CTNNA3: variants seen among roughly 807,000 people sequenced by gnomAD.
The protein encoded by CTNNA3 is catenin alpha 3, also known as catenin alpha-3.
CTNNA3 carries 76 observed loss-of-function variants against 95.7 expected under a neutral mutation model. The ratio of observed to expected loss-of-function variants is 0.79; its 90% CI spans 0.66 to 0.96. The LOEUF is 0.96. CTNNA3 is among the 40% of genes least tolerant of loss of function. The pLI is 0.00. For missense variants in CTNNA3, 1,191 were observed against 1,089.8 expected (o/e 1.09, Z -1.31); for synonymous variants, 431 against 374.4 (o/e 1.15, Z -1.74).
chr10:66,087,789 A>C (rs566408818), intron 14 of CTNNA3, among the ~76,000 whole-genome samples: 1 of 152,192 alleles, frequency 6.6e-6, no homozygotes, highest in East Asian at 1.9e-4. Flanking sequence ...CATCAATCCC[A>C]CTGGCATATT....
intron 11 of CTNNA3, among the ~76,000 whole-genome samples, chr10:66,448,356 T>C (rs1486882117): frequency 6.6e-6 from 1 of 152,182 alleles, no homozygotes; most frequent in African/African-American, 2.4e-5. Context: ...TAAATCATGC[T>C]GCTATAAAGA....
intron 11 of CTNNA3, among the ~76,000 whole-genome samples, chr10:66,411,918 G>A (rs977024125): frequency 6.6e-6 from 1 of 152,102 alleles, no homozygotes; most frequent in African/African-American, 2.4e-5. Flanking sequence ...ATGACATTCC[G>A]AGGAGCTCTG....
chr10:67,604,522 C>A (rs1843198709), intron 3 of CTNNA3, among the ~76,000 whole-genome samples: 1 of 152,054 alleles, frequency 6.6e-6, no homozygotes, highest in Non-Finnish European at 1.5e-5. Context: ...TGGAGGAAGG[C>A]TAATGCAATA....
intron 12 of CTNNA3, among the ~76,000 whole-genome samples, chr10:66,328,297 G>A (rs1292765141): frequency 1.3e-5 from 2 of 152,058 alleles, no homozygotes; most frequent in Non-Finnish European, 2.9e-5. Context: ...ATTTTCCCAA[G>A]TTATAAACCT....
intron 5 of CTNNA3, among the ~76,000 whole-genome samples, chr10:67,274,582 C>G (rs574896390): frequency 1.1e-4 from 17 of 152,094 alleles, no homozygotes; most frequent in African/African-American, 3.9e-4. Context: ...AATCATAGCA[C>G]TTTAGGAGGC....
At chr10:66,622,310 A>G (rs189401200) in intron 9 of CTNNA3, among the ~76,000 whole-genome samples, 1 of 152,268 alleles carries the variant, frequency 6.6e-6, no homozygotes, top group African/African-American at 2.4e-5. Context: ...TTGATTTTCC[A>G]CTACAACTTC....
intron 3 of CTNNA3, among the ~76,000 whole-genome samples, chr10:67,566,948 A>G (rs2133279054): frequency 6.8e-6 from 1 of 147,024 alleles, no homozygotes; most frequent in Admixed American, 7.1e-5. Flanking sequence ...ACATGTTCTC[A>G]CTCATAGGTG....
At chr10:66,674,913 A>C (rs564232086) in intron 9 of CTNNA3, among the ~76,000 whole-genome samples, 33 of 152,160 alleles carry the variant, frequency 2.2e-4, no homozygotes, top group Middle Eastern at 3.4e-3. Flanking sequence ...GAAAAAGCAA[A>C]GTTAAAGTGG....
intron 9 of CTNNA3, among the ~76,000 whole-genome samples, chr10:66,730,228 A>G (rs888096609): frequency 3.3e-5 from 5 of 152,228 alleles, no homozygotes; most frequent in Non-Finnish European, 5.9e-5. Flanking sequence ...AGACTGGATA[A>G]AGAAAATGTG....
At chr10:65,955,759 G>C (rs937015114) in intron 17 of CTNNA3, among the ~76,000 whole-genome samples, 1 of 152,108 alleles carries the variant, frequency 6.6e-6, no homozygotes, top group African/African-American at 2.4e-5. Flanking sequence ...TGGTGGATAA[G>C]CTTTTTGATG....
In CTNNA3 at chr10:67,690,853, A is replaced by G. The variant is rs193079044; in HGVS notation, c.-6+5147T>C. The stretch of plus-strand genomic sequence containing the variant: ...CTTCCTTCATCTAGAAAGTCTTGCT[A>G]CAGCCTCTCCCTCTCCCTCTCCGTC... On this transcript the variant is annotated intron_variant, in intron 1 of 17. Coordinates refer to ENST00000433211, the MANE Select transcript of CTNNA3 (RefSeq NM_013266.4). Among the ~76,000 whole-genome samples the G allele has an allele frequency of 3.5e-4, 49 of 140,142 alleles. 1 individual carries two copies. In the East Asian group the frequency reaches 0.012, roughly 34 times the overall value. The allele number at this position is 140,142 out of a possible 152,430, so 91.9% of individuals were successfully genotyped here. A position where few individuals can be genotyped will look rare whatever the true frequency, so the allele number is the denominator to read the frequency against.
At chr10:67,231,400 C>A (rs868168318) in intron 5 of CTNNA3, among the ~76,000 whole-genome samples, 13 of 152,186 alleles carry the variant, frequency 8.5e-5, no homozygotes, top group Admixed American at 2.6e-4. Flanking sequence ...GGGAGGCAAC[C>A]CCTAGCAGGG....
intron 7 of CTNNA3, among the ~76,000 whole-genome samples, chr10:66,920,633 A>G (rs1343860446): frequency 6.6e-6 from 1 of 152,194 alleles, no homozygotes; most frequent in African/African-American, 2.4e-5. Flanking sequence ...GAGGCTTAAG[A>G]TTAAGAAATA....
At chr10:65,991,594 T>C (rs1350293959) in intron 15 of CTNNA3, among the ~76,000 whole-genome samples, 2 of 152,064 alleles carry the variant, frequency 1.3e-5, no homozygotes, top group Non-Finnish European at 2.9e-5. Flanking sequence ...GATTTTTGTA[T>C]GTTGATTTAG....
At chr10:66,899,202 C>A (rs1042416192) in intron 7 of CTNNA3, among the ~76,000 whole-genome samples, 5 of 152,146 alleles carry the variant, frequency 3.3e-5, no homozygotes, top group Non-Finnish European at 5.9e-5. Context: ...AAAAATACAA[C>A]AACAACTCAA....
At chr10:65,952,190 A>G (rs1382047146) in intron 17 of CTNNA3, among the ~76,000 whole-genome samples, 2 of 152,216 alleles carry the variant, frequency 1.3e-5, no homozygotes, top group African/African-American at 4.8e-5. Context: ...TCATTGTAAT[A>G]TTAGTTTACC....
intron 12 of CTNNA3, among the ~76,000 whole-genome samples, chr10:66,303,408 T>C (rs1488081031): frequency 1.3e-5 from 2 of 152,102 alleles, no homozygotes; most frequent in Non-Finnish European, 2.9e-5. Flanking sequence ...GAGACAGACA[T>C]ATAGTCTATT....
At chr10:66,444,094 T>C (rs1407309430) in intron 11 of CTNNA3, among the ~76,000 whole-genome samples, 1 of 151,894 alleles carries the variant, frequency 6.6e-6, no homozygotes, top group African/African-American at 2.4e-5. Context: ...ATGAAATGAA[T>C]GAAATGAAGT....
chr10:66,033,523 T>G (rs2079493707), intron 15 of CTNNA3, among the ~76,000 whole-genome samples: 1 of 152,086 alleles, frequency 6.6e-6, no homozygotes, highest in African/African-American at 2.4e-5. Context: ...CATACATGTA[T>G]GCACATGTGC....
Sources: allele counts gnomAD v4.1 joint callset (sites outside exome capture counted in the v4.1 genomes callset), GRCh38; gene constraint gnomAD v4.1.1; transcripts MANE v1.5; gene names NCBI Gene and HGNC (gene_info 2026-07-23, HGNC 2026-07-21).